GNAQ: variants seen among roughly 807,000 people sequenced by gnomAD.
The protein encoded by GNAQ is guanine nucleotide-binding protein G(q) subunit alpha.
In GNAQ, 8 loss-of-function variants were observed where a neutral mutation model predicts 43.9. The observed-to-expected ratio is 0.18, with a 90% CI of 0.11 to 0.33. GNAQ has a LOEUF of 0.33. GNAQ is among the 10% of genes least tolerant of loss of function. The pLI, the probability that GNAQ is intolerant of heterozygous loss-of-function variation, is 1.00. For missense variants in GNAQ, 158 were observed against 450.8 expected, an observed-to-expected ratio of 0.35 and a Z score of 5.88; for synonymous variants, 155 against 170.7, an observed-to-expected ratio of 0.91 and a Z score of 0.71.
At chr9:77,793,843 G>T (rs778706269) in intron 5 of GNAQ, among the ~76,000 whole-genome samples, 1 of 152,064 alleles carries the variant, frequency 6.6e-6, no homozygotes, top group Non-Finnish European at 1.5e-5. Context: ...CTGTAACAGG[G>T]AGGAGATAAC....
At chr9:78,020,736 A>G (rs1823898729) in intron 1 of GNAQ, among the ~76,000 whole-genome samples, 1 of 151,920 alleles carries the variant, frequency 6.6e-6, no homozygotes, top group Non-Finnish European at 1.5e-5. Context: ...TGGCAACAAC[A>G]CCCTCTGCCC....
At chr9:77,948,220 C>T (rs1314188116) in intron 1 of GNAQ, among the ~76,000 whole-genome samples, 3 of 152,100 alleles carry the variant, frequency 2.0e-5, no homozygotes, top group African/African-American at 4.8e-5. Context: ...CAAAATAGTG[C>T]CTATATTAAA....
chr9:77,849,198 T>A (rs562932943), intron 2 of GNAQ, among the ~76,000 whole-genome samples: 2 of 152,210 alleles, frequency 1.3e-5, no homozygotes, highest in African/African-American at 4.8e-5. Context: ...TGGAAGAGGA[T>A]AACTGATGAC....
chr9:77,885,794 A>G (rs1345715252), intron 2 of GNAQ, among the ~76,000 whole-genome samples: 2 of 151,928 alleles, frequency 1.3e-5, no homozygotes, highest in Non-Finnish European at 2.9e-5. Flanking sequence ...GAACAAGAAC[A>G]AGGACCAAAA....
chr9:77,729,998 C>T (rs1189026127), intron 5 of GNAQ, among the ~76,000 whole-genome samples: 2 of 152,186 alleles, frequency 1.3e-5, no homozygotes, highest in Non-Finnish European at 2.9e-5. Context: ...TGCTTTCATG[C>T]AGAGTGTGGA....
chr9:77,933,498 A>G (rs2118314921), intron 1 of GNAQ, among the ~76,000 whole-genome samples: 1 of 152,246 alleles, frequency 6.6e-6, no homozygotes, highest in African/African-American at 2.4e-5. Flanking sequence ...TACAAAAATT[A>G]GCCAGACGGG....
intron 2 of GNAQ, among the ~76,000 whole-genome samples, chr9:77,862,785 T>C (rs970887038): frequency 6.6e-6 from 1 of 152,246 alleles, no homozygotes; most frequent in African/African-American, 2.4e-5. Context: ...TCTATCACAT[T>C]GTCAGACTAT....
chr9:77,796,834 CATCATATG>C (rs1479842691), intron 4 of GNAQ, among the ~76,000 whole-genome samples: 1 of 152,150 alleles, frequency 6.6e-6, no homozygotes, highest in Non-Finnish European at 1.5e-5. Flanking sequence ...TGATTGACAG[CATCATATG>C]ATCATTCATA....
At chr9:77,862,830 T>C (rs982726520) in intron 2 of GNAQ, among the ~76,000 whole-genome samples, 2 of 152,218 alleles carry the variant, frequency 1.3e-5, no homozygotes, top group Non-Finnish European at 2.9e-5. Context: ...GCTTCCCTTA[T>C]AAAACTGAAT....
In GNAQ at chr9:77,940,884, G is replaced by A. The variant is rs182032677; in HGVS notation, c.137-18539C>T. On this transcript the variant is annotated intron_variant, in intron 1 of 6. Transcript: ENST00000286548. ...TGGGAGACTGAGGCAGGAGAATGGC[G>A]TGAACCCAGGAGGAGCTTGCAGTGA... 6.4e-3 allele frequency among the ~76,000 whole-genome samples: 970 copies of A among 151,028 alleles called. 13 individuals are homozygous for A. Among genetic ancestry groups the A allele is most frequent in the African/African-American group, 0.022 (914 of 41,180 alleles).
intron 1 of GNAQ, among the ~76,000 whole-genome samples, chr9:77,984,968 G>A (rs1006420497): frequency 2.6e-5 from 4 of 152,136 alleles, no homozygotes; most frequent in African/African-American, 7.2e-5. Context: ...GCAAGGAAAT[G>A]GCAATTTTAT....
At chr9:78,030,561 C>CA (rs1263285542) in intron 1 of GNAQ, 11 of 471,112 alleles carry the variant, frequency 2.3e-5, no homozygotes, top group African/African-American at 2.2e-4. Flanking sequence ...ACCGTTCCCC[C>CA]ATTCCCTCCT....
Position 77,945,766 on chromosome 9 carries a change from T to C in GNAQ, c.137-23421A>G, listed in dbSNP as rs539417634. On this transcript the variant is annotated intron_variant, in intron 1 of 6. Coordinates refer to ENST00000286548, the MANE Select transcript of GNAQ (RefSeq NM_002072.5). ...TTAAGACCTATTAAAGGCAGCCAAG[T>C]ACTAGTGGTGAAGTTCCCTAAGAAC... is the stretch of plus-strand genomic sequence containing the variant. Among the ~76,000 whole-genome samples the C allele has an allele frequency of 1.6e-3, 242 of 152,288 alleles. 1 individual carries two copies. The highest frequency in any genetic ancestry group is 5.4e-3 in the African/African-American group (223 of 41,566).
rs529700935 is a variant in GNAQ, at chr9:77,904,647, G to C, written c.321+17514C>G. Among the ~76,000 whole-genome samples, 6 of 152,130 alleles carry C rather than the reference G, an allele frequency of 3.9e-5. No homozygotes were observed. In the South Asian group the frequency reaches 1.2e-3, roughly 32 times the overall value. On this transcript the variant is annotated intron_variant, in intron 2 of 6. Coordinates refer to ENST00000286548, the MANE Select transcript of GNAQ (RefSeq NM_002072.5). ...GTGCCCGGCCCTGTTTATGTTTTAAGAATAAAGTTCACATAATAATTAGTG... is the reference window on the plus strand; with the variant it reads ...GTGCCCGGCCCTGTTTATGTTTTAACAATAAAGTTCACATAATAATTAGTG...
chr9:77,766,846 A>G (rs1160160220), intron 5 of GNAQ, among the ~76,000 whole-genome samples: 1 of 152,184 alleles, frequency 6.6e-6, no homozygotes, highest in Admixed American at 6.5e-5. Flanking sequence ...GTTTTGAACA[A>G]GGTGGCTATG....
intron 2 of GNAQ, among the ~76,000 whole-genome samples, chr9:77,826,324 G>A (rs1487103328): frequency 6.6e-6 from 1 of 152,106 alleles, no homozygotes; most frequent in Non-Finnish European, 1.5e-5. Context: ...TCCTTGTTGT[G>A]TGCTTTGTGT....
intron 2 of GNAQ, among the ~76,000 whole-genome samples, chr9:77,836,180 A>ATT (rs939007570): frequency 2.7e-5 from 4 of 148,506 alleles, no homozygotes; most frequent in African/African-American, 9.9e-5. Flanking sequence ...GCCTTCTCCT[A>ATT]TTTTTTTTTT....
intron 5 of GNAQ, among the ~76,000 whole-genome samples, chr9:77,755,107 T>C (rs927955528): frequency 2.0e-5 from 3 of 152,194 alleles, no homozygotes; most frequent in African/African-American, 7.2e-5. Context: ...GAGGACATTA[T>C]ATTAACTAAA....
intron 1 of GNAQ, among the ~76,000 whole-genome samples, chr9:77,929,463 G>T (rs1171023223): frequency 6.6e-6 from 1 of 152,104 alleles, no homozygotes. Context: ...TTTAAAACTT[G>T]AACATTTTGA....
Sources: gnomAD v4.1 joint callset for allele counts (sites outside exome capture counted in the v4.1 genomes callset) on GRCh38, gnomAD v4.1.1 for gene constraint, MANE v1.5 for transcripts, NCBI Gene and HGNC (gene_info 2026-07-23, HGNC 2026-07-21) for gene names.